TENM3: variants seen among roughly 807,000 people sequenced by gnomAD.
TENM3 encodes the protein teneurin-3.
TENM3 carries 63 observed loss-of-function variants against 255.1 expected under a neutral mutation model. The observed-to-expected ratio is 0.25, with a 90% CI of 0.20 to 0.30. The LOEUF (loss-of-function observed/expected upper bound fraction) is 0.30. TENM3 is among the 10% of genes least tolerant of loss of function. The probability of loss-of-function intolerance (pLI) is 1.00; values close to 1 mark genes in which losing one functional copy is unlikely to be tolerated. For missense variants in TENM3, 2,929 were observed against 3,461.1 expected (o/e 0.85, Z 3.86); for synonymous variants, 1,306 against 1,322.3 (o/e 0.99, Z 0.27).
At chr4:181,515,238 A>G in the TENM3 span, among the ~76,000 whole-genome samples, 2 of 152,306 alleles carry the variant, frequency 1.3e-5, no homozygotes, top group East Asian at 3.9e-4. Context: ...CTACTTGGAA[A>G]CATCATTTCT....
At chr4:182,578,314 G>A (rs140726008) in intron 3 of TENM3, among the ~76,000 whole-genome samples, 1 of 152,056 alleles carries the variant, frequency 6.6e-6, no homozygotes, top group Non-Finnish European at 1.5e-5. Flanking sequence ...AGTTCTAATC[G>A]CCTACCCTGC....
At chr4:182,769,759 A>G (rs150566432) in intron 22 of TENM3, among the ~76,000 whole-genome samples, 4,472 of 147,082 alleles carry the variant, frequency 0.03, 177 homozygotes, top group South Asian at 0.11. Context: ...ACTCTAGCCT[A>G]GGCAACAGAG....
chr4:182,439,938 G>A (rs1772332981), intron 3 of TENM3, among the ~76,000 whole-genome samples: 1 of 151,810 alleles, frequency 6.6e-6, no homozygotes. Context: ...CCTCTCTCTG[G>A]CCCCTCTATG....
the TENM3 span, among the ~76,000 whole-genome samples, chr4:181,582,549 G>C: frequency 6.6e-6 from 1 of 151,700 alleles, no homozygotes; most frequent in African/African-American, 2.4e-5. Flanking sequence ...CGGGAGGCTG[G>C]GGCAGGAGAA....
the TENM3 span, among the ~76,000 whole-genome samples, chr4:181,450,085 A>G: frequency 6.6e-6 from 1 of 152,172 alleles, no homozygotes. Flanking sequence ...TCCTTAGAAA[A>G]TATTACATTA....
chr4:181,899,192 CTTCTT>C, the TENM3 span, among the ~76,000 whole-genome samples: 4 of 151,836 alleles, frequency 2.6e-5, no homozygotes, highest in Non-Finnish European at 5.9e-5. Flanking sequence ...TGTCTCTCTT[CTTCTT>C]TTAACAGTTT....
At chr4:181,630,439 G>A in the TENM3 span, among the ~76,000 whole-genome samples, 1 of 151,964 alleles carries the variant, frequency 6.6e-6, no homozygotes, top group Non-Finnish European at 1.5e-5. Flanking sequence ...TTAGGGTGTC[G>A]ATTTTAGCTC....
chr4:182,784,293 G>A (rs1007070100), intron 24 of TENM3, among the ~76,000 whole-genome samples: 4 of 152,042 alleles, frequency 2.6e-5, no homozygotes, highest in Non-Finnish European at 4.4e-5. Context: ...TCAGCTGCAG[G>A]TCTGTTGGAA....
chr4:181,876,642 T>A, the TENM3 span, among the ~76,000 whole-genome samples: 2 of 152,208 alleles, frequency 1.3e-5, no homozygotes, highest in African/African-American at 2.4e-5. Context: ...AAAAGTGTTC[T>A]GATTGTATAT....
chr4:182,030,067 G>GTTC, the TENM3 span, among the ~76,000 whole-genome samples: 2 of 133,928 alleles, frequency 1.5e-5, no homozygotes, highest in African/African-American at 5.7e-5. Flanking sequence ...TGTTGTTGTT[G>GTTC]TTGTTGTTGT....
chr4:181,632,193 AG>A, the TENM3 span, among the ~76,000 whole-genome samples: 3 of 152,156 alleles, frequency 2.0e-5, no homozygotes, highest in Non-Finnish European at 4.4e-5. Context: ...AAGGGAAGGC[AG>A]GCACGTCTTA....
At chr4:182,605,273 C>T (rs963278100) in intron 4 of TENM3, among the ~76,000 whole-genome samples, 2 of 152,026 alleles carry the variant, frequency 1.3e-5, no homozygotes, top group Non-Finnish European at 2.9e-5. Context: ...GAAGGTAGCT[C>T]GATGACTAAG....
intron 1 of TENM3, among the ~76,000 whole-genome samples, chr4:182,269,184 T>G (rs1759449658): frequency 6.6e-6 from 1 of 152,048 alleles, no homozygotes; most frequent in Non-Finnish European, 1.5e-5. Flanking sequence ...CCCTTTGACG[T>G]GGGTGTAAAT....
chr4:181,749,116 G>A, the TENM3 span, among the ~76,000 whole-genome samples: 1 of 152,016 alleles, frequency 6.6e-6, no homozygotes. Context: ...TTGTTCCAGA[G>A]GAGATTTCTA....
At chr4:181,928,319 T>C in the TENM3 span, among the ~76,000 whole-genome samples, 1 of 150,820 alleles carries the variant, frequency 6.6e-6, no homozygotes, top group African/African-American at 2.4e-5. Flanking sequence ...GAATAACCAG[T>C]TTAGAGAAGA....
chr4:181,682,454 A>C, the TENM3 span, among the ~76,000 whole-genome samples: 2 of 152,200 alleles, frequency 1.3e-5, no homozygotes, highest in Non-Finnish European at 2.9e-5. Flanking sequence ...TTGTTAAAAC[A>C]GTTGGTCCCA....
chr4:181,478,313 C>A, the TENM3 span, among the ~76,000 whole-genome samples: 2 of 152,164 alleles, frequency 1.3e-5, no homozygotes, highest in African/African-American at 2.4e-5. Context: ...GCTATAAAAA[C>A]CAGATTTAAA....
chr4:182,684,622 G>A (rs1756436017), intron 11 of TENM3, among the ~76,000 whole-genome samples: 1 of 152,044 alleles, frequency 6.6e-6, no homozygotes, highest in African/African-American at 2.4e-5. Context: ...TAGCACCTTA[G>A]ACAGTAAGTG....
chr4:181,910,654 G>GTA, the TENM3 span, among the ~76,000 whole-genome samples: 23,513 of 148,712 alleles, frequency 0.16, 1,941 homozygotes, highest in Middle Eastern at 0.18. Flanking sequence ...GTGTGTGTGT[G>GTA]TATTTTAGAG....
Sources: gnomAD v4.1 joint callset for allele counts (sites outside exome capture counted in the v4.1 genomes callset) on GRCh38, gnomAD v4.1.1 for gene constraint, MANE v1.5 for transcripts, NCBI Gene and HGNC (gene_info 2026-07-23, HGNC 2026-07-21) for gene names.